Variants in PALM2AKAP2 observed in about 807,000 individuals in gnomAD.
PALM2AKAP2 encodes PALM2 and AKAP2 fusion.
A neutral mutation model predicts 71.5 loss-of-function variants in PALM2AKAP2; 37 were observed. The ratio of observed to expected loss-of-function variants is 0.52; its 90% CI spans 0.40 to 0.68. The LOEUF (loss-of-function observed/expected upper bound fraction) is 0.68, where lower values mean the gene tolerates loss of function less well. PALM2AKAP2 is among the 30% of genes least tolerant of loss of function. The pLI is 0.00. For missense variants in PALM2AKAP2, 1,224 were observed against 1,191.8 expected (o/e 1.03, Z -0.40); for synonymous variants, 468 against 478.8 (o/e 0.98, Z 0.29).
intron 1 of PALM2AKAP2, among the ~76,000 whole-genome samples, chr9:109,664,640 C>T (rs1176848073): frequency 6.6e-6 from 1 of 152,178 alleles, no homozygotes; most frequent in South Asian, 2.1e-4. Context: ...TTCATTTCAA[C>T]CTTGGTGAAT....
At chr9:109,990,702 T>C (rs912401999) in intron 6 of PALM2AKAP2, among the ~76,000 whole-genome samples, 1 of 152,214 alleles carries the variant, frequency 6.6e-6, no homozygotes, top group African/African-American at 2.4e-5. Context: ...GCAATAGGCA[T>C]CAGACCAAAG....
chr9:109,894,578 G>A (rs1679665993), intron 3 of PALM2AKAP2, among the ~76,000 whole-genome samples: 1 of 152,178 alleles, frequency 6.6e-6, no homozygotes, highest in South Asian at 2.1e-4. Context: ...GTGATCAATG[G>A]ACCCATCTTA....
chr9:110,027,819 C>T (rs912512947), intron 7 of PALM2AKAP2, among the ~76,000 whole-genome samples: 10 of 152,158 alleles, frequency 6.6e-5, no homozygotes, highest in African/African-American at 2.4e-4. Flanking sequence ...TTTAAAAAAA[C>T]ATTCTGCTGA....
chr9:109,766,893 G>A lies in PALM2AKAP2; in HGVS notation c.6-13595G>A, dbSNP rs556308432. 2.0e-4 allele frequency among the ~76,000 whole-genome samples: 30 copies of A among 152,222 alleles called. No individual in the cohort carries two copies. In the East Asian group the frequency reaches 2.5e-3, roughly 13 times the overall value. ...CCATGCCAATAAATATGGAGCTGAC[G>A]TTGGAACCCAGAGCCTTGCAGTGCC... On this transcript the variant is annotated intron_variant, in intron 1 of 6. Transcript: ENST00000374531.
chr9:109,643,821 G>A (rs1209182533), intron 1 of PALM2AKAP2, among the ~76,000 whole-genome samples: 5 of 152,218 alleles, frequency 3.3e-5, no homozygotes, highest in African/African-American at 4.8e-5. Flanking sequence ...ACCTGAGACA[G>A]GGTAATTTAT....
At chr9:110,125,435 A>G (rs1023749031) in intron 1 of PALM2AKAP2, 13 of 926,566 alleles carry the variant, frequency 1.4e-5, no homozygotes, top group Non-Finnish European at 1.7e-5. Flanking sequence ...CTTTGTGTGA[A>G]TGGCCTTTTA....
exon 2 of PALM2AKAP2, chr9:110,138,309 G>A: frequency 6.2e-7 from 1 of 1,614,232 alleles, no homozygotes; most frequent in Middle Eastern, 1.6e-4. Context: ...GCTGAGCTGA[G>A]AAGCACAGCC....
chr9:110,163,966 T>C (rs760335161), intron 3 of PALM2AKAP2, among the ~76,000 whole-genome samples: 7 of 152,262 alleles, frequency 4.6e-5, no homozygotes, highest in Non-Finnish European at 7.3e-5. Flanking sequence ...ATTTTTCAAG[T>C]TGGTTGCATT....
At chr9:110,023,104 T>C (rs1022944174) in intron 7 of PALM2AKAP2, among the ~76,000 whole-genome samples, 1 of 151,404 alleles carries the variant, frequency 6.6e-6, no homozygotes, top group Non-Finnish European at 1.5e-5. Context: ...AGTAATGGGA[T>C]GGCTGGGTCA....
intron 2 of PALM2AKAP2, among the ~76,000 whole-genome samples, chr9:110,142,820 C>T (rs1442568050): frequency 6.6e-6 from 1 of 152,164 alleles, no homozygotes; most frequent in African/African-American, 2.4e-5. Flanking sequence ...AGAGCTCTAT[C>T]AATCATGTTA....
At chr9:109,644,310 C>T (rs1272512494) in intron 1 of PALM2AKAP2, among the ~76,000 whole-genome samples, 3 of 152,118 alleles carry the variant, frequency 2.0e-5, no homozygotes, top group Non-Finnish European at 4.4e-5. Context: ...CTAAACACTC[C>T]CCAGATTTCA....
chr9:109,951,772 C>T (rs1361921778), intron 6 of PALM2AKAP2, among the ~76,000 whole-genome samples: 1 of 152,184 alleles, frequency 6.6e-6, no homozygotes, highest in African/African-American at 2.4e-5. Context: ...GGTTTGGGTG[C>T]CCCTTGGTGG....
chr9:109,750,302 T>C (rs978414983), intron 1 of PALM2AKAP2, among the ~76,000 whole-genome samples: 1 of 152,208 alleles, frequency 6.6e-6, no homozygotes. Context: ...CCAATTTCAA[T>C]AGCCTGTTGG....
intron 1 of PALM2AKAP2, among the ~76,000 whole-genome samples, chr9:109,827,760 A>G (rs541445166): frequency 1.3e-5 from 2 of 152,282 alleles, no homozygotes; most frequent in African/African-American, 4.8e-5. Context: ...GGACAAAAGG[A>G]AACAGGATTG....
chr9:109,766,491 A>G (rs1829157075), intron 1 of PALM2AKAP2, among the ~76,000 whole-genome samples: 1 of 152,164 alleles, frequency 6.6e-6, no homozygotes, highest in African/African-American at 2.4e-5. Flanking sequence ...GATTTCCTCA[A>G]AGCAAGGCCT....
exon 4 of PALM2AKAP2, chr9:110,171,125 C>A (rs1290647005): frequency 2.6e-5 from 4 of 152,166 alleles, no homozygotes; most frequent in Non-Finnish European, 5.9e-5. Context: ...TGAAGGAAAC[C>A]ATGTGCTTCA....
chr9:109,768,120 GGAAA>G (rs1391503680), intron 1 of PALM2AKAP2, among the ~76,000 whole-genome samples: 5 of 150,306 alleles, frequency 3.3e-5, no homozygotes, highest in African/African-American at 7.4e-5. Context: ...AAGAAAGGAA[GGAAA>G]GAAAGAAAGA....
intron 1 of PALM2AKAP2, among the ~76,000 whole-genome samples, chr9:110,065,567 C>T (rs1834061452): frequency 6.6e-6 from 1 of 152,152 alleles, no homozygotes; most frequent in Non-Finnish European, 1.5e-5. Flanking sequence ...GTAAAATGTA[C>T]CCTCTAAACC....
At chr9:109,677,394 G>A (rs1827662688) in intron 1 of PALM2AKAP2, among the ~76,000 whole-genome samples, 2 of 152,110 alleles carry the variant, frequency 1.3e-5, no homozygotes, top group Admixed American at 6.6e-5. Flanking sequence ...CAGGTTGGGC[G>A]CGGTGGCTCA....
Sources: gnomAD v4.1 joint callset for allele counts (sites outside exome capture counted in the v4.1 genomes callset) on GRCh38, gnomAD v4.1.1 for gene constraint, MANE v1.5 for transcripts, NCBI Gene and HGNC (gene_info 2026-07-23, HGNC 2026-07-21) for gene names.